SGIP1: variants seen among roughly 807,000 people sequenced by gnomAD.
SGIP1 encodes the protein SH3GL interacting endocytic adaptor 1.
A neutral mutation model predicts 107.5 loss-of-function variants in SGIP1; 38 were observed. That is an observed-to-expected ratio of 0.35 (90% CI 0.27 to 0.46). The LOEUF (loss-of-function observed/expected upper bound fraction) is 0.46. Ranked by LOEUF, SGIP1 falls within the 20% of genes least tolerant of loss-of-function variation. The pLI is 1.00. For missense variants in SGIP1, 929 were observed against 1,019.5 expected, an observed-to-expected ratio of 0.91 and a Z score of 1.21; for synonymous variants, 365 against 366.1, an observed-to-expected ratio of 1.00 and a Z score of 0.03.
At chr1:66,647,646 C>T (rs1002441515) in intron 7 of SGIP1, among the ~76,000 whole-genome samples, 1 of 152,096 alleles carries the variant, frequency 6.6e-6, no homozygotes, top group Admixed American at 6.6e-5. Flanking sequence ...ATTCCCAGTA[C>T]CTATTAAATC....
chr1:66,664,895 G>A (rs2082218532), intron 8 of SGIP1, among the ~76,000 whole-genome samples: 1 of 152,154 alleles, frequency 6.6e-6, no homozygotes, highest in African/African-American at 2.4e-5. Context: ...GGAATAAATT[G>A]ATAGCAGCCA....
chr1:66,667,517 T>C lies in SGIP1; in HGVS notation c.472-13T>C. 1 of 1,613,504 alleles carries C rather than the reference T, an allele frequency of 6.2e-7. No individual in the cohort carries two copies. Among genetic ancestry groups the C allele is most frequent in the African/African-American group, 1.3e-5 (1 of 75,050 alleles). On this transcript the variant is annotated splice_polypyrimidine_tract_variant and intron_variant, in intron 8 of 24. Transcript: ENST00000371037. ...CTAGGTGTCTGTTCTCTCTTCCTTT[T>C]TGCTGATCACAGAGGCGCAGCCCGG...
chr1:66,617,051 C>G (rs955810104), intron 1 of SGIP1, among the ~76,000 whole-genome samples: 2 of 152,172 alleles, frequency 1.3e-5, no homozygotes, highest in African/African-American at 4.8e-5. Flanking sequence ...ATACTTAGTA[C>G]AGAGATCACC....
rs72669494 is a variant in SGIP1, at chr1:66,682,013, C to T, written c.959C>T (p.Pro320Leu). The change falls in exon 15 of 25, where the codon CCG becomes CTG. Residue 320 changes from proline to leucine, a missense_variant. Pro to Leu is a moderately conservative substitution (Grantham distance 98, BLOSUM62 -3). This residue lies in a region of SGIP1 where 588 missense variants were observed against 588.6 expected (regional missense o/e 1.00). Coordinates refer to ENST00000371037, the MANE Select transcript of SGIP1 (RefSeq NM_032291.4). ...EKWVHFSDTS[P>L]EHVTPELTPR... is the part of the protein sequence containing the mutation. ...TGGGTCCATTTTTCTGATACATCCC[C>T]GGAACATGTTACTCCGGAGTTGACT... 1,112 of 1,614,136 alleles carry T rather than the reference C, an allele frequency of 6.9e-4. 4 individuals carry two copies. Among genetic ancestry groups the T allele is most frequent in the South Asian group, 2.8e-3 (252 of 91,078 alleles).
At chr1:66,536,700 A>G (rs897581238) in intron 1 of SGIP1, among the ~76,000 whole-genome samples, 3 of 152,224 alleles carry the variant, frequency 2.0e-5, no homozygotes, top group African/African-American at 4.8e-5. Context: ...TCGTTGAAAC[A>G]TTAGTGGACT....
At chr1:66,693,940 A>T (rs1171973645) in intron 17 of SGIP1, among the ~76,000 whole-genome samples, 1 of 152,190 alleles carries the variant, frequency 6.6e-6, no homozygotes, top group Non-Finnish European at 1.5e-5. Context: ...GGGACCTTGG[A>T]TTTATACTGT....
intron 18 of SGIP1, among the ~76,000 whole-genome samples, chr1:66,697,808 GC>G (rs1178300385): frequency 6.6e-6 from 1 of 152,020 alleles, no homozygotes; most frequent in African/African-American, 2.4e-5. Context: ...CGAGAGTAGT[GC>G]CCCCACCTAA....
intron 17 of SGIP1, among the ~76,000 whole-genome samples, chr1:66,692,790 C>T (rs941364442): frequency 6.6e-6 from 1 of 152,204 alleles, no homozygotes; most frequent in African/African-American, 2.4e-5. Flanking sequence ...AAGAGCAAGT[C>T]TAAACCTTCT....
At chr1:66,719,102 G>T (rs2093395657) in intron 18 of SGIP1, among the ~76,000 whole-genome samples, 192 bp from the exon 19 acceptor site, 1 of 152,066 alleles carries the variant, frequency 6.6e-6, no homozygotes, top group Non-Finnish European at 1.5e-5. Context: ...GTGTTTGTCT[G>T]TAAACCAGCC....
In SGIP1 at chr1:66,556,079, A is replaced by AAAAC. The variant is rs745409573; in HGVS notation, c.10+21727_10+21730dup. Among the ~76,000 whole-genome samples, 13 of 152,258 alleles carry AAAAC rather than the reference A, an allele frequency of 8.5e-5. No individual in the cohort carries two copies. In the South Asian group the frequency reaches 1.5e-3, roughly 17 times the overall value. ...ATCTCACCAGAGTAATGCCAAGACT[A>AAAAC]AAACAAACAAACAAACAAAAATAGC... On this transcript the variant is annotated intron_variant, in intron 1 of 24. Transcript: ENST00000371037.
intron 3 of SGIP1, among the ~76,000 whole-genome samples, chr1:66,633,485 AAAG>A (rs2075204356): frequency 6.6e-6 from 1 of 152,218 alleles, no homozygotes; most frequent in South Asian, 2.1e-4. Context: ...AAGAAAATTC[AAAG>A]AAGCTTTTCC....
chr1:66,631,843 T>C (rs1202730595), intron 2 of SGIP1, among the ~76,000 whole-genome samples: 1 of 152,158 alleles, frequency 6.6e-6, no homozygotes, highest in Non-Finnish European at 1.5e-5. Context: ...CTCAAGCACT[T>C]ATTAAGGTTT....
chr1:66,632,121 T>G (rs2074892406), intron 2 of SGIP1, among the ~76,000 whole-genome samples: 1 of 152,156 alleles, frequency 6.6e-6, no homozygotes, highest in Non-Finnish European at 1.5e-5. Flanking sequence ...CAACTCACAG[T>G]TTTGAATACC....
intron 7 of SGIP1, among the ~76,000 whole-genome samples, chr1:66,654,140 G>T (rs112431176): frequency 1.3e-5 from 2 of 152,216 alleles, no homozygotes; most frequent in African/African-American, 2.4e-5. Flanking sequence ...AATGTATGCC[G>T]TATCTAGCTC....
chr1:66,564,513 C>T (rs1282480359), intron 1 of SGIP1, among the ~76,000 whole-genome samples: 2 of 151,926 alleles, frequency 1.3e-5, no homozygotes, highest in South Asian at 2.1e-4. Flanking sequence ...GCAAAGCAGG[C>T]GTGGAAATAC....
In SGIP1 at chr1:66,544,032, A is replaced by G. The variant is rs112048669; in HGVS notation, c.10+9664A>G. ...TTGTTCTATTGGGTGTTACTTGTGG[A>G]TTTCTTAGCCTTTGGAGGCTAGACA... On this transcript the variant is annotated intron_variant, in intron 1 of 24. Coordinates refer to ENST00000371037, the MANE Select transcript of SGIP1 (RefSeq NM_032291.4). Among the ~76,000 whole-genome samples the G allele has an allele frequency of 9.4e-3, 1,431 of 152,252 alleles. 25 individuals are homozygous for G. The highest frequency in any genetic ancestry group is 0.033 in the African/African-American group (1,356 of 41,550).
chr1:66,678,648 T>C (rs1298336882), intron 13 of SGIP1, among the ~76,000 whole-genome samples: 1 of 152,042 alleles, frequency 6.6e-6, no homozygotes. Context: ...GGCTTTAGGA[T>C]GAGGGTTGTT....
chr1:66,685,752 TA>T (rs1309865731), intron 15 of SGIP1, among the ~76,000 whole-genome samples: 2 of 152,220 alleles, frequency 1.3e-5, no homozygotes, highest in Non-Finnish European at 2.9e-5. Context: ...AACATTAATA[TA>T]AAAAGTTCAT....
chr1:66,737,802 T>C (rs1018206042), intron 21 of SGIP1, among the ~76,000 whole-genome samples: 2 of 152,218 alleles, frequency 1.3e-5, no homozygotes, highest in Non-Finnish European at 2.9e-5. Flanking sequence ...TTTGCTGTTG[T>C]TTAGCTGTGT....
Sources: allele counts gnomAD v4.1 joint callset (sites outside exome capture counted in the v4.1 genomes callset), GRCh38; gene constraint gnomAD v4.1.1; regional missense constraint gnomAD v4.1.1; transcripts MANE v1.5; gene names NCBI Gene and HGNC (gene_info 2026-07-23, HGNC 2026-07-21).